The following DCAF5 variants were observed in gnomAD, a reference collection of about 807,000 sequenced individuals.
DCAF5 encodes DDB1 and CUL4 associated factor 5.
DCAF5 carries 9 observed loss-of-function variants against 80.7 expected under a neutral mutation model. The observed-to-expected ratio is 0.11, with a 90% CI of 0.07 to 0.19. The LOEUF (loss-of-function observed/expected upper bound fraction) is 0.19, where lower values mean the gene tolerates loss of function less well. DCAF5 is among the 10% of genes least tolerant of loss of function. The probability of loss-of-function intolerance (pLI) is 1.00; values close to 1 mark genes in which losing one functional copy is unlikely to be tolerated. For synonymous variants in DCAF5, 433 were observed against 461.9 expected, an observed-to-expected ratio of 0.94 and a Z score of 0.80; for missense variants, 842 against 1,205.7, an observed-to-expected ratio of 0.70 and a Z score of 4.47.
chr14:69,074,120 G>A (rs2038809774), intron 7 of DCAF5, among the ~76,000 whole-genome samples: 1 of 152,208 alleles, frequency 6.6e-6, no homozygotes, highest in Non-Finnish European at 1.5e-5. Context: ...AAAGGCAGAT[G>A]TTTGGTAAGA....
chr14:69,151,269 G>A (rs553494546), intron 1 of DCAF5, among the ~76,000 whole-genome samples: 1 of 152,106 alleles, frequency 6.6e-6, no homozygotes, highest in East Asian at 1.9e-4. Flanking sequence ...AACGATCTGG[G>A]GTACAAAAGT....
intron 6 of DCAF5, chr14:69,085,123 CAT>C (rs2039266843): frequency 2.5e-6 from 2 of 790,394 alleles, no homozygotes; most frequent in East Asian, 2.5e-5. Context: ...GCTCAGGAAG[CAT>C]ATAAATCATA....
chr14:69,094,044 T>C (rs555194631), intron 5 of DCAF5, among the ~76,000 whole-genome samples: 4 of 152,146 alleles, frequency 2.6e-5, no homozygotes, highest in East Asian at 1.9e-4. Flanking sequence ...TCAAAAACAA[T>C]GAGAGGCTTT....
chr14:69,136,238 C>CCAGAGTAG (rs1296001032), intron 1 of DCAF5, among the ~76,000 whole-genome samples: 6 of 151,578 alleles, frequency 4.0e-5, no homozygotes, highest in African/African-American at 1.5e-4. Flanking sequence ...ACCTCAGCCT[C>CCAGAGTAG]CAGAGTAGTT....
At chr14:69,122,131 G>C (rs984198520) in intron 2 of DCAF5, 86 bp downstream of exon 2, 6 of 1,494,608 alleles carry the variant, frequency 4.0e-6, no homozygotes, top group Non-Finnish European at 5.5e-6. Context: ...TGAAATACAG[G>C]AAGAAAAATA....
chr14:69,122,625 C>G (rs2040756399), intron 1 of DCAF5, among the ~76,000 whole-genome samples: 1 of 152,196 alleles, frequency 6.6e-6, no homozygotes. Flanking sequence ...ACTCCTAAAG[C>G]CACCCTGTTC....
intron 6 of DCAF5, chr14:69,083,939 T>C (rs1391245310): frequency 1.3e-6 from 1 of 780,846 alleles, no homozygotes; most frequent in African/African-American, 1.7e-5. Flanking sequence ...ATCTTGTCAA[T>C]GAAAACACTC....
At chr14:69,138,963 T>C (rs777793439) in intron 1 of DCAF5, among the ~76,000 whole-genome samples, 24 of 151,904 alleles carry the variant, frequency 1.6e-4, no homozygotes, top group Non-Finnish European at 2.6e-4. Flanking sequence ...CTGGGCAACA[T>C]GGTAAGACCC....
At chr14:69,128,199 T>C (rs1006382166) in intron 1 of DCAF5, among the ~76,000 whole-genome samples, 1 of 151,672 alleles carries the variant, frequency 6.6e-6, no homozygotes, top group Non-Finnish European at 1.5e-5. Context: ...TCTTCTTTTT[T>C]TTTTTTTTTG....
intron 5 of DCAF5, among the ~76,000 whole-genome samples, chr14:69,100,964 C>A (rs1394786048): frequency 6.6e-6 from 1 of 152,196 alleles, no homozygotes. Flanking sequence ...GAAGAAGCAA[C>A]AAGTTCTTCA....
At chr14:69,062,310 T>C in intron 8 of DCAF5, 74 bp downstream of exon 8, 1 of 1,519,320 alleles carries the variant, frequency 6.6e-7, no homozygotes. Context: ...AGGTCCTACA[T>C]AAATTGTTCT....
chr14:69,083,524 GT>G (rs2039196823), intron 6 of DCAF5: 1 of 351,428 alleles, frequency 2.8e-6, no homozygotes, highest in Admixed American at 3.5e-5. Flanking sequence ...AAATACAGAT[GT>G]GTCTGAAGAA....
intron 6 of DCAF5, chr14:69,084,734 T>G: frequency 1.6e-6 from 2 of 1,263,832 alleles, no homozygotes; most frequent in Non-Finnish European, 2.2e-6. Flanking sequence ...TTTGCCCATC[T>G]TGGCCATTCA....
chr14:69,136,113 C>CTTTTT (rs35359938), intron 1 of DCAF5, among the ~76,000 whole-genome samples: 6 of 125,282 alleles, frequency 4.8e-5, no homozygotes, highest in Admixed American at 1.8e-4. Context: ...ATGTGTAAAA[C>CTTTTT]TTTTTTTTTT....
chr14:69,106,530 C>T (rs2040167086), intron 5 of DCAF5, among the ~76,000 whole-genome samples: 1 of 151,950 alleles, frequency 6.6e-6, no homozygotes, highest in African/African-American at 2.4e-5. Context: ...ACTACCCCAC[C>T]TGGCTAATTT....
chr14:69,094,958 G>A (rs1296246607), intron 5 of DCAF5, among the ~76,000 whole-genome samples: 1 of 152,212 alleles, frequency 6.6e-6, no homozygotes, highest in Non-Finnish European at 1.5e-5. Flanking sequence ...AATTTGTGGG[G>A]TTGGGGGTGG....
At chr14:69,130,398 A>AG (rs767276007) in intron 1 of DCAF5, among the ~76,000 whole-genome samples, 1 of 152,272 alleles carries the variant, frequency 6.6e-6, no homozygotes, top group Non-Finnish European at 1.5e-5. Context: ...GAGACAAAGT[A>AG]GAATGGCAGT....
At chr14:69,119,491 A>T (rs985165545) in intron 2 of DCAF5, among the ~76,000 whole-genome samples, 3 of 139,396 alleles carry the variant, frequency 2.2e-5, no homozygotes, top group Non-Finnish European at 3.1e-5. Context: ...TGGATGATGT[A>T]AAAAAAAAAA....
chr14:69,139,070 G>A (rs1049919449), intron 1 of DCAF5, among the ~76,000 whole-genome samples: 7 of 152,120 alleles, frequency 4.6e-5, no homozygotes, highest in African/African-American at 1.4e-4. Flanking sequence ...AGGATCACTT[G>A]AGCCAAGGAG....
Sources: allele counts gnomAD v4.1 joint callset (sites outside exome capture counted in the v4.1 genomes callset), GRCh38; gene constraint gnomAD v4.1.1; transcripts MANE v1.5; gene names NCBI Gene and HGNC (gene_info 2026-07-23, HGNC 2026-07-21).